Variants in CRISPLD1 observed in about 807,000 individuals in gnomAD.
CRISPLD1 encodes cysteine rich secretory protein LCCL domain containing 1.
CRISPLD1 carries 60 observed loss-of-function variants against 77.5 expected under a neutral mutation model. The ratio of observed to expected loss-of-function variants is 0.77; its 90% CI spans 0.63 to 0.96. The LOEUF (loss-of-function observed/expected upper bound fraction) is 0.96. Ranked by LOEUF, CRISPLD1 falls within the 40% of genes least tolerant of loss-of-function variation. The pLI is 0.00. For synonymous variants in CRISPLD1, 195 were observed against 200.1 expected, an observed-to-expected ratio of 0.97 and a Z score of 0.22; for missense variants, 623 against 615.8, an observed-to-expected ratio of 1.01 and a Z score of -0.12.
intron 13 of CRISPLD1, 57 bp from the exon 14 acceptor site, chr8:75,029,330 C>T (rs994687255): frequency 1.3e-6 from 2 of 1,559,444 alleles, no homozygotes; most frequent in Non-Finnish European, 1.7e-6. Flanking sequence ...GAAGAATAGG[C>T]TGGACAAGTC....
intron 2 of CRISPLD1, among the ~76,000 whole-genome samples, chr8:75,007,088 C>A (rs1372118368): frequency 6.6e-6 from 1 of 151,942 alleles, no homozygotes; most frequent in African/African-American, 2.4e-5. Flanking sequence ...CAGACAAATT[C>A]TTAGTTATTA....
chr8:75,032,369 A>G lies in CRISPLD1; in HGVS notation c.*127A>G. 1 of 514,804 alleles carries G rather than the reference A, an allele frequency of 1.9e-6. No individual in the cohort carries two copies. The highest frequency in any genetic ancestry group is 3.4e-6 in the Non-Finnish European group (1 of 297,944). 31.9% of individuals were successfully genotyped at this position (514,804 alleles called of 1,614,324 possible). A position where few individuals can be genotyped will look rare whatever the true frequency, so the allele number is the denominator to read the frequency against. ...TTCAGCCCAAAAAGGTGCCAAATGC[A>G]TATAAATCTTGATAAACAAAGTCTA... is the stretch of plus-strand genomic sequence containing the variant. On this transcript the variant is annotated 3_prime_UTR_variant, in exon 15 of 15. Coordinates refer to ENST00000262207, the MANE Select transcript of CRISPLD1 (RefSeq NM_031461.6).
At chr8:74,998,492 C>T (rs966459471) in intron 2 of CRISPLD1, among the ~76,000 whole-genome samples, 1 of 151,742 alleles carries the variant, frequency 6.6e-6, no homozygotes, top group Non-Finnish European at 1.5e-5. Flanking sequence ...AGTTCGAGAC[C>T]AGTCCTTCAA....
chr8:75,025,690 GT>G, intron 13 of CRISPLD1, 69 bp downstream of exon 13: 1 of 811,766 alleles, frequency 1.2e-6, no homozygotes, highest in Admixed American at 1.9e-5. Flanking sequence ...ACATTTAAAT[GT>G]GTATATGTAC....
intron 2 of CRISPLD1, among the ~76,000 whole-genome samples, chr8:74,986,716 A>G (rs995230412): frequency 1.3e-5 from 2 of 152,210 alleles, no homozygotes; most frequent in African/African-American, 2.4e-5. Context: ...TAAAGGATAC[A>G]TTTTTATGGT....
chr8:74,995,438 T>G (rs1812631727), intron 2 of CRISPLD1, among the ~76,000 whole-genome samples: 1 of 152,220 alleles, frequency 6.6e-6, no homozygotes, highest in African/African-American at 2.4e-5. Context: ...ATTCATTACT[T>G]ATTTATCAAA....
Position 75,017,251 on chromosome 8 carries a change from G to GTAAA in CRISPLD1, c.997-66_997-63dup, listed in dbSNP as rs1587022132. On this transcript the variant is annotated intron_variant, in intron 9 of 14. Transcript: ENST00000262207. ...TATTTAATTGAAAGTCACATAAGTGGTAAATAGTTGGGACTTATGCAGAAC... is the reference window on the plus strand; with the variant it reads ...TATTTAATTGAAAGTCACATAAGTGGTAAATAAATAGTTGGGACTTATGCAGAAC... 1.9e-6 allele frequency: 3 copies of GTAAA among 1,560,716 alleles called. No homozygotes were observed. In the East Asian group the frequency reaches 6.8e-5, roughly 35 times the overall value.
At chr8:74,997,548 T>A (rs1243872866) in intron 2 of CRISPLD1, among the ~76,000 whole-genome samples, 2 of 152,162 alleles carry the variant, frequency 1.3e-5, no homozygotes, top group African/African-American at 2.4e-5. Flanking sequence ...ATGGAAATAA[T>A]GTAGCTATTA....
chr8:75,029,361 G>A, intron 13 of CRISPLD1, 26 bp from the exon 14 acceptor site: 1 of 1,600,468 alleles, frequency 6.2e-7, no homozygotes, highest in Non-Finnish European at 8.5e-7. Context: ...TTCCAATAAT[G>A]GCAGTTTGTT....
intron 2 of CRISPLD1, among the ~76,000 whole-genome samples, chr8:74,999,564 C>T (rs1187460662): frequency 6.6e-6 from 1 of 152,006 alleles, no homozygotes; most frequent in Admixed American, 6.6e-5. Context: ...TAACAAGACC[C>T]CAGGTGATGT....
At chr8:75,012,666 G>A (rs879207916) in intron 3 of CRISPLD1, 115 bp downstream of exon 3, 7 of 845,546 alleles carry the variant, frequency 8.3e-6, no homozygotes, top group Non-Finnish European at 9.4e-6. Flanking sequence ...AAGTAATCAC[G>A]AAACAAGTAA....
chr8:75,015,853 C>T (rs1343935356), intron 6 of CRISPLD1, among the ~76,000 whole-genome samples: 7 of 152,062 alleles, frequency 4.6e-5, no homozygotes, highest in South Asian at 2.1e-4. Context: ...GCCTCTTCCC[C>T]GGTGACCATT....
At position 75,032,361 on chromosome 8, in the gene CRISPLD1, C is replaced by A; in HGVS notation, c.*119C>A. 1.8e-6 allele frequency: 1 copy of A among 555,994 alleles called. No individual in the cohort carries two copies. The highest frequency in any genetic ancestry group is 3.0e-6 in the Non-Finnish European group (1 of 330,894). The allele number at this position is 555,994 out of a possible 1,614,324, so 34.4% of individuals were successfully genotyped here. A position where few individuals can be genotyped will look rare whatever the true frequency, so the allele number is the denominator to read the frequency against. On this transcript the variant is annotated 3_prime_UTR_variant, in exon 15 of 15. Coordinates refer to ENST00000262207, the MANE Select transcript of CRISPLD1 (RefSeq NM_031461.6). ...CAACTATTTTCAGCCCAAAAAGGTG[C>A]CAAATGCATATAAATCTTGATAAAC...
At chr8:74,991,822 G>A (rs967195675) in intron 2 of CRISPLD1, among the ~76,000 whole-genome samples, 2 of 152,176 alleles carry the variant, frequency 1.3e-5, no homozygotes, top group Non-Finnish European at 1.5e-5. Flanking sequence ...CACCAGACCC[G>A]GCCACAAACT....
In CRISPLD1 at chr8:75,017,346, T is replaced by C; in HGVS notation, c.1023T>C (p.Ile341=). 6.2e-7 allele frequency: 1 copy of C among 1,608,632 alleles called. No individual in the cohort carries two copies. Among genetic ancestry groups the C allele is most frequent in the South Asian group, 1.1e-5 (1 of 89,252 alleles). ...AATCCAGCATCTGTAGAGCTGCAAT[T>C]CATTATGGTATAATAGACAATGATG... is the stretch of plus-strand genomic sequence containing the variant. The part of the protein sequence containing the change: ...EMQSSICRAA[I]HYGIIDNDGG... Residue 341 remains isoleucine (I), a synonymous_variant, in exon 10 of 15, where the codon ATT becomes ATC. Coordinates refer to ENST00000262207, the MANE Select transcript of CRISPLD1 (RefSeq NM_031461.6).
At chr8:75,020,207 A>G in intron 12 of CRISPLD1, 128 bp downstream of exon 12, 1 of 709,526 alleles carries the variant, frequency 1.4e-6, no homozygotes, top group Non-Finnish European at 2.5e-6. Flanking sequence ...ATGAAACATC[A>G]TAAACTACAT....
At chr8:75,031,681 G>C (rs1813350703) in intron 14 of CRISPLD1, among the ~76,000 whole-genome samples, 1 of 151,510 alleles carries the variant, frequency 6.6e-6, no homozygotes, top group African/African-American at 2.4e-5. Context: ...TGAAATTATA[G>C]ATGTTAAGAG....
At chr8:75,024,317 T>TTTG (rs34289920) in intron 12 of CRISPLD1, among the ~76,000 whole-genome samples, 61,736 of 151,262 alleles carry the variant, frequency 0.41, 14,701 homozygotes, top group African/African-American at 0.68. Context: ...GACTTGTACA[T>TTTG]TTGTTGTTGT....
At chr8:75,000,104 G>A (rs1812713026) in intron 2 of CRISPLD1, 5 of 981,270 alleles carry the variant, frequency 5.1e-6, no homozygotes, top group Non-Finnish European at 6.0e-6. Flanking sequence ...TACTGTTTCT[G>A]GAATGTCCCC....
Sources: allele counts gnomAD v4.1 joint callset (sites outside exome capture counted in the v4.1 genomes callset), GRCh38; gene constraint gnomAD v4.1.1; transcripts MANE v1.5; gene names NCBI Gene and HGNC (gene_info 2026-07-23, HGNC 2026-07-21).